The following KAZN variants were observed in gnomAD, a reference collection of about 807,000 sequenced individuals.
The protein encoded by KAZN is kazrin.
KAZN carries 40 observed loss-of-function variants against 87.4 expected under a neutral mutation model. The ratio of observed to expected loss-of-function variants is 0.46; its 90% CI spans 0.36 to 0.60. KAZN has a LOEUF of 0.60. Ranked by LOEUF, KAZN falls within the 20% of genes least tolerant of loss-of-function variation. KAZN has a pLI of 0.00. For synonymous variants in KAZN, 466 were observed against 458.3 expected (o/e 1.02, Z -0.22); for missense variants, 898 against 1,073.9 (o/e 0.84, Z 2.29).
chr1:14,183,028 A>G (rs947342598), intron 2 of KAZN, among the ~76,000 whole-genome samples: 1 of 152,166 alleles, frequency 6.6e-6, no homozygotes, highest in Admixed American at 6.5e-5. Context: ...GTATTAGATG[A>G]TGATGAAACA....
chr1:15,110,770 G>C (rs1269387734), intron 13 of KAZN, among the ~76,000 whole-genome samples: 1 of 152,230 alleles, frequency 6.6e-6, no homozygotes, highest in African/African-American at 2.4e-5. Flanking sequence ...AGAGGCCCAA[G>C]TTCAATTTCC....
intron 1 of KAZN, among the ~76,000 whole-genome samples, chr1:14,677,725 C>G (rs1640315002): frequency 6.6e-6 from 1 of 152,162 alleles, no homozygotes; most frequent in Non-Finnish European, 1.5e-5. Context: ...GAGCCTGCTC[C>G]CATCTGTGAA....
chr1:14,057,556 C>G (rs894466195), intron 1 of KAZN, among the ~76,000 whole-genome samples: 2 of 152,222 alleles, frequency 1.3e-5, no homozygotes, highest in African/African-American at 4.8e-5. Flanking sequence ...TGTTAAGTGC[C>G]TGGTCTATGG....
chr1:14,602,776 C>G (rs1178946081), intron 1 of KAZN, among the ~76,000 whole-genome samples: 1 of 152,178 alleles, frequency 6.6e-6, no homozygotes, highest in Non-Finnish European at 1.5e-5. Flanking sequence ...CTGTATATAA[C>G]AAAATACTTA....
intron 1 of KAZN, among the ~76,000 whole-genome samples, chr1:14,914,458 C>T (rs1434085782): frequency 1.3e-5 from 2 of 152,208 alleles, no homozygotes; most frequent in Non-Finnish European, 2.9e-5. Flanking sequence ...GGCCCAGGCA[C>T]GACTACACAG....
At chr1:14,665,807 C>T (rs1000251792) in intron 1 of KAZN, among the ~76,000 whole-genome samples, 3 of 151,930 alleles carry the variant, frequency 2.0e-5, no homozygotes, top group Non-Finnish European at 4.4e-5. Flanking sequence ...TCTGTTAAAG[C>T]ACACGGCTGC....
At chr1:14,386,548 T>C (rs1359511850) in intron 2 of KAZN, among the ~76,000 whole-genome samples, 1 of 151,900 alleles carries the variant, frequency 6.6e-6, no homozygotes. Flanking sequence ...GTCTGTAAAG[T>C]AGTTTATTTC....
At chr1:13,903,605 C>G (rs998700604) in intron 1 of KAZN, among the ~76,000 whole-genome samples, 2 of 152,156 alleles carry the variant, frequency 1.3e-5, no homozygotes, top group Non-Finnish European at 2.9e-5. Context: ...GAAGTCTTCT[C>G]TTTGATCTCC....
intron 1 of KAZN, among the ~76,000 whole-genome samples, chr1:14,039,984 A>C (rs371505221): frequency 1.4e-3 from 206 of 152,332 alleles, no homozygotes; most frequent in Middle Eastern, 3.4e-3. Context: ...AAAACGTTAG[A>C]TAAATCTTAC....
intron 2 of KAZN, among the ~76,000 whole-genome samples, chr1:14,203,180 TAGAC>T (rs1376849876): frequency 9.2e-5 from 14 of 152,026 alleles, no homozygotes; most frequent in Admixed American, 9.2e-4. Context: ...CAAAATGAGA[TAGAC>T]AGTGAAAAAT....
At chr1:14,740,544 G>GC (rs542465806) in intron 1 of KAZN, among the ~76,000 whole-genome samples, 531 of 151,148 alleles carry the variant, frequency 3.5e-3, no homozygotes, top group Non-Finnish European at 6.0e-3. Context: ...CTCTGCCTCC[G>GC]CCCCCCCAAA....
Position 14,741,378 on chromosome 1 carries a change from C to G in KAZN, c.226+142155C>G, listed in dbSNP as rs144980274. Among the ~76,000 whole-genome samples, 29 of 152,274 alleles carry G rather than the reference C, an allele frequency of 1.9e-4. 1 individual carries two copies. In the East Asian group the frequency reaches 4.8e-3, roughly 25 times the overall value. On this transcript the variant is annotated intron_variant, in intron 1 of 14. Transcript: ENST00000376030. ...GTGGCTATGGTTGCCTCAGCTCAGG[C>G]AAATCCCATGGGCATGTGGAGACCC...
chr1:13,972,638 G>GAGGACCAA (rs1251950159), intron 1 of KAZN, among the ~76,000 whole-genome samples: 1 of 152,186 alleles, frequency 6.6e-6, no homozygotes, highest in Non-Finnish European at 1.5e-5. Flanking sequence ...GGAGATAGGC[G>GAGGACCAA]AGGACCAACC....
At chr1:14,191,266 C>T (rs1224762871) in intron 2 of KAZN, among the ~76,000 whole-genome samples, 1 of 151,982 alleles carries the variant, frequency 6.6e-6, no homozygotes. Context: ...TTTGTTTTGG[C>T]AATGGACTAT....
At chr1:13,916,203 T>C (rs930499679) in intron 1 of KAZN, among the ~76,000 whole-genome samples, 3 of 152,118 alleles carry the variant, frequency 2.0e-5, no homozygotes, top group African/African-American at 7.2e-5. Context: ...GTTGGGACCC[T>C]GGATGGAAAA....
At chr1:14,253,316 G>C (rs151053927) in intron 2 of KAZN, among the ~76,000 whole-genome samples, 25 of 152,232 alleles carry the variant, frequency 1.6e-4, no homozygotes, top group Non-Finnish European at 3.4e-4. Context: ...CCCTACCCTT[G>C]CAGATTCCCT....
At chr1:14,883,415 G>GAAAGAA (rs1653694774) in intron 1 of KAZN, among the ~76,000 whole-genome samples, 1 of 146,348 alleles carries the variant, frequency 6.8e-6, no homozygotes, top group Non-Finnish European at 1.5e-5. Context: ...AAGAAAGAAA[G>GAAAGAA]AAAGAAAGAA....
rs555189497 is a variant in KAZN, at chr1:14,948,301, C to T, written c.227-12383C>T. ...TGGTGTGATCCAGGACTCAACTATT[C>T]GGATATTATCTGAATCCTGTCCTGG... On this transcript the variant is annotated intron_variant, in intron 1 of 14. Coordinates refer to ENST00000376030, the MANE Select transcript of KAZN (RefSeq NM_201628.3). 4.7e-4 allele frequency among the ~76,000 whole-genome samples: 72 copies of T among 152,296 alleles called. No individual in the cohort carries two copies. In the South Asian group the frequency reaches 4.8e-3, roughly 10 times the overall value.
chr1:14,668,200 T>C (rs1639696254), intron 1 of KAZN, among the ~76,000 whole-genome samples: 1 of 152,194 alleles, frequency 6.6e-6, no homozygotes, highest in Non-Finnish European at 1.5e-5. Flanking sequence ...ATATGTAATT[T>C]CCTTTCTTGC....
Sources: gnomAD v4.1 joint callset for allele counts (sites outside exome capture counted in the v4.1 genomes callset) on GRCh38, gnomAD v4.1.1 for gene constraint, MANE v1.5 for transcripts, NCBI Gene and HGNC (gene_info 2026-07-23, HGNC 2026-07-21) for gene names.